SCN2A: variants seen among roughly 807,000 people sequenced by gnomAD.
SCN2A encodes the protein sodium voltage-gated channel alpha subunit 2, also known as sodium channel protein type 2 subunit alpha.
In SCN2A, 20 loss-of-function variants were observed where a neutral mutation model predicts 188.7. That is an observed-to-expected ratio of 0.11 (90% CI 0.07 to 0.15). The LOEUF (loss-of-function observed/expected upper bound fraction) is 0.15. Ranked by LOEUF, SCN2A falls within the 10% of genes least tolerant of loss-of-function variation. The pLI is 1.00. For missense variants in SCN2A, 1,278 were observed against 2,445.0 expected, an observed-to-expected ratio of 0.52 and a Z score of 10.07; for synonymous variants, 804 against 833.1, an observed-to-expected ratio of 0.97 and a Z score of 0.60.
At chr2:165,270,472 T>G (rs1695056419) in intron 1 of SCN2A, 1 of 152,056 alleles carries the variant, frequency 6.6e-6, no homozygotes, top group Non-Finnish European at 1.5e-5. Flanking sequence ...GTAATAGAGT[T>G]TTCTTCTTAA....
intron 1 of SCN2A, among the ~76,000 whole-genome samples, chr2:165,244,718 A>T (rs1291151218): frequency 6.6e-6 from 1 of 152,194 alleles, no homozygotes; most frequent in Non-Finnish European, 1.5e-5. Context: ...GCCCACAAAA[A>T]GTGTTTTGAA....
chr2:165,313,191 C>T (rs545218555), intron 8 of SCN2A, among the ~76,000 whole-genome samples: 9 of 152,170 alleles, frequency 5.9e-5, no homozygotes, highest in African/African-American at 2.2e-4. Context: ...TTTTACCACA[C>T]AGTGTCATTC....
Position 165,389,550 on chromosome 2 carries a change from C to T in SCN2A, c.5744C>T (p.Ala1915Val). ...EEVSAIIIQR[A>V]YRRYLLKQKV... ...GTGTCTGCTATTATTATCCAGAGGGCTTACAGACGCTACCTCTTGAAGCAA... is the reference window on the plus strand; with the variant it reads ...GTGTCTGCTATTATTATCCAGAGGGTTTACAGACGCTACCTCTTGAAGCAA... The change falls in exon 27 of 27, where the codon GCT becomes GTT. Residue 1915 changes from alanine to valine, a missense_variant. By Grantham distance (64) the Ala-to-Val change is moderately conservative. Coordinates refer to ENST00000375437, the MANE Select transcript of SCN2A (RefSeq NM_001040142.2). The surrounding 1 kb of genome is among the most constrained non-coding windows in gnomAD (Gnocchi z 4.2). 6.2e-7 allele frequency: 1 copy of T among 1,613,888 alleles called. No homozygotes were observed. The highest frequency in any genetic ancestry group is 8.5e-7 in the Non-Finnish European group (1 of 1,179,954).
At chr2:165,380,962 G>A (rs571371933) in intron 24 of SCN2A, 131 bp from the exon 25 acceptor site, 3 of 708,134 alleles carry the variant, frequency 4.2e-6, no homozygotes, top group Admixed American at 2.7e-5. Flanking sequence ...TTGAATAAAG[G>A]CATCTCTATA....
At chr2:165,386,140 C>A (rs892889632) in intron 25 of SCN2A, among the ~76,000 whole-genome samples, 2 of 151,676 alleles carry the variant, frequency 1.3e-5, no homozygotes, top group African/African-American at 4.8e-5. Context: ...TGCATTTGAC[C>A]CTCACATAAA....
chr2:165,324,373 C>CT (rs911159648), intron 12 of SCN2A, among the ~76,000 whole-genome samples: 22 of 152,110 alleles, frequency 1.4e-4, no homozygotes, highest in African/African-American at 4.8e-4. Context: ...TGAACAAGCT[C>CT]TTTGAGCCAC....
chr2:165,374,337 T>C (rs551269640), intron 21 of SCN2A, among the ~76,000 whole-genome samples: 1 of 152,244 alleles, frequency 6.6e-6, no homozygotes, highest in South Asian at 2.1e-4. Context: ...GCAAATTGTA[T>C]GGTTTGTATG....
intron 1 of SCN2A, chr2:165,271,532 A>G (rs1487382025): frequency 6.6e-6 from 1 of 152,172 alleles, no homozygotes. Flanking sequence ...AATAGGAAGT[A>G]GACAAAAGGT....
intron 1 of SCN2A, among the ~76,000 whole-genome samples, chr2:165,253,460 T>C (rs1403444428): frequency 6.6e-6 from 1 of 152,140 alleles, no homozygotes; most frequent in Non-Finnish European, 1.5e-5. Context: ...TTTGGAGAGA[T>C]AAAGAATAAT....
chr2:165,273,583 C>T (rs1435848724), intron 1 of SCN2A: 1 of 152,132 alleles, frequency 6.6e-6, no homozygotes, highest in Non-Finnish European at 1.5e-5. Flanking sequence ...CATTCTCTCT[C>T]TCTCCCTCCC....
chr2:165,381,320 G>A (rs1701590641), intron 25 of SCN2A, 123 bp downstream of exon 25: 1 of 658,570 alleles, frequency 1.5e-6, no homozygotes, highest in Non-Finnish European at 2.7e-6. Flanking sequence ...CTTAACAATG[G>A]GACTAGCTAG....
chr2:165,348,062 T>G (rs1464679411), intron 16 of SCN2A, among the ~76,000 whole-genome samples: 1 of 152,148 alleles, frequency 6.6e-6, no homozygotes, highest in African/African-American at 2.4e-5. Flanking sequence ...ACAAGTAATT[T>G]AATGTATATA....
At position 165,291,567 on chromosome 2, in the gene SCN2A, TCCTTCCTTTCTC is replaced by T. The variant is rs1461465861; in HGVS notation, c.-51-4205_-51-4194del. 6.6e-4 allele frequency among the ~76,000 whole-genome samples: 53 copies of T among 80,120 alleles called. 1 individual carries two copies. In the East Asian group the frequency reaches 0.013, roughly 20 times the overall value. 52.6% of individuals were successfully genotyped at this position (80,120 alleles called of 152,430 possible). A position where few individuals can be genotyped will look rare whatever the true frequency, so the allele number is the denominator to read the frequency against. On this transcript the variant is annotated intron_variant, in intron 1 of 26. Transcript: ENST00000375437. Reference sequence around the variant, plus strand: ...TTCCTTCCTTCCTTCCTTCCTTCCTTCCTTCCTTTCTCTCTCTCTCTCTCTCTCTCTCTTTCT... The same window carrying T: ...TTCCTTCCTTCCTTCCTTCCTTCCTTTCTCTCTCTCTCTCTCTCTCTTTCT...
intron 25 of SCN2A, among the ~76,000 whole-genome samples, chr2:165,386,341 G>A (rs1701871365): frequency 6.6e-6 from 1 of 152,078 alleles, no homozygotes; most frequent in Non-Finnish European, 1.5e-5. Flanking sequence ...GCATGTACCT[G>A]TAATCCCAGC....
At chr2:165,274,663 T>C (rs1179100259) in intron 1 of SCN2A, among the ~76,000 whole-genome samples, 1 of 152,232 alleles carries the variant, frequency 6.6e-6, no homozygotes, top group Non-Finnish European at 1.5e-5. Flanking sequence ...CCTTTTCTAA[T>C]CTTTTAAGAT....
Position 165,291,494 on chromosome 2 carries a change from T to TTTCTTTCTTTCTTTCTTTC in SCN2A, c.-51-4279_-51-4278insTTCTTTCTTTCTTTCTTTC, listed in dbSNP as rs1559340326. ...TCTTTCTTTCTTTCTTTCTTTCTTTTCTTTCTTTCTTTCTTTCTTCCTCTC... is the reference window on the plus strand; with the variant it reads ...TCTTTCTTTCTTTCTTTCTTTCTTTTTTCTTTCTTTCTTTCTTTCCTTTCTTTCTTTCTTTCTTCCTCTC... On this transcript the variant is annotated intron_variant, in intron 1 of 26. Transcript: ENST00000375437. Among the ~76,000 whole-genome samples the TTTCTTTCTTTCTTTCTTTC allele has an allele frequency of 7.1e-3, 258 of 36,572 alleles. 16 individuals are homozygous for TTTCTTTCTTTCTTTCTTTC. The highest frequency in any genetic ancestry group is 8.2e-3 in the Non-Finnish European group (136 of 16,532). 24.0% of individuals were successfully genotyped at this position (36,572 alleles called of 152,430 possible).
At chr2:165,256,407 A>G (rs1473760507) in intron 1 of SCN2A, among the ~76,000 whole-genome samples, 1 of 152,162 alleles carries the variant, frequency 6.6e-6, no homozygotes, top group Non-Finnish European at 1.5e-5. Flanking sequence ...CGTTGCAACA[A>G]CTGTGGTAGC....
intron 1 of SCN2A, among the ~76,000 whole-genome samples, chr2:165,286,568 C>T (rs568798443): frequency 6.6e-6 from 1 of 152,322 alleles, no homozygotes; most frequent in Admixed American, 6.5e-5. Context: ...ACCTTTGGAA[C>T]CTGGTGTCAT....
chr2:165,323,954 G>T (rs1369894315), intron 12 of SCN2A, among the ~76,000 whole-genome samples: 2 of 152,168 alleles, frequency 1.3e-5, no homozygotes, highest in Non-Finnish European at 1.5e-5. Context: ...GTACAACATT[G>T]CCTCTCTTTG....
Sources: gnomAD v4.1 joint callset for allele counts (sites outside exome capture counted in the v4.1 genomes callset) on GRCh38, gnomAD v4.1.1 for gene constraint, Gnocchi (gnomAD v3.1) non-coding constraint, MANE v1.5 for transcripts, NCBI Gene and HGNC (gene_info 2026-07-23, HGNC 2026-07-21) for gene names.